ATP5F1B: variants seen among roughly 807,000 people sequenced by gnomAD.
ATP5F1B encodes the protein ATP synthase F(1) complex subunit beta, mitochondrial.
ATP5F1B carries 17 observed loss-of-function variants against 45.9 expected under a neutral mutation model. The observed-to-expected ratio is 0.37, with a 90% CI of 0.25 to 0.56. The LOEUF is 0.56. Among genes scored for constraint, ATP5F1B ranks in the 20% least tolerant of loss-of-function variants. ATP5F1B has a pLI of 0.80. For synonymous variants in ATP5F1B, 218 were observed against 256.5 expected (o/e 0.85, Z 1.43); for missense variants, 387 against 673.2 (o/e 0.57, Z 4.70).
At chr12:56,640,228 T>A in intron 7 of ATP5F1B, 36 bp from the exon 8 acceptor site, 2 of 1,519,944 alleles carry the variant, frequency 1.3e-6, no homozygotes, top group Non-Finnish European at 8.9e-7. Context: ...GGAACCAAAG[T>A]AAATTTTTTT....
chr12:56,644,092 C>G (rs1951532696), intron 3 of ATP5F1B, 134 bp from the exon 4 acceptor site: 1 of 994,280 alleles, frequency 1.0e-6, no homozygotes, highest in East Asian at 2.6e-5. Flanking sequence ...CCCTTTCTTA[C>G]ATAAATCAGA....
intron 7 of ATP5F1B, among the ~76,000 whole-genome samples, 192 bp downstream of exon 7, chr12:56,642,266 T>A (rs1374251704): frequency 6.6e-6 from 1 of 151,950 alleles, no homozygotes; most frequent in Non-Finnish European, 1.5e-5. Context: ...AAAGTGTTGG[T>A]ATTACAGGCA....
chr12:56,645,082 G>C (rs765101521), intron 2 of ATP5F1B, 89 bp downstream of exon 2: 1 of 1,606,362 alleles, frequency 6.2e-7, no homozygotes, highest in Non-Finnish European at 8.5e-7. Context: ...AAGTCATTTT[G>C]ATAAAATCAT....
chr12:56,645,464 T>A, intron 1 of ATP5F1B, 111 bp from the exon 2 acceptor site: 1 of 1,264,726 alleles, frequency 7.9e-7, no homozygotes, highest in Non-Finnish European at 1.1e-6. Context: ...CAGGCCTCTT[T>A]CCGCTTGTAC....
chr12:56,643,724 A>C (rs1271334440), intron 4 of ATP5F1B, 113 bp downstream of exon 4: 1 of 1,579,428 alleles, frequency 6.3e-7, no homozygotes, highest in African/African-American at 1.3e-5. Context: ...CAGAAGAACG[A>C]AAGTCAGAAC....
chr12:56,640,353 G>A (rs1032767425), intron 7 of ATP5F1B, among the ~76,000 whole-genome samples, 161 bp from the exon 8 acceptor site: 6 of 150,466 alleles, frequency 4.0e-5, no homozygotes, highest in African/African-American at 9.8e-5. Flanking sequence ...TCAGCTTCCC[G>A]AGTGGCTAGG....
Position 56,644,740 on chromosome 12 carries a change from CAGA to C in ATP5F1B, c.485+38_485+40del, listed in dbSNP as rs561725512. 3,925 of 1,568,602 alleles carry C rather than the reference CAGA, an allele frequency of 2.5e-3. 4 individuals are homozygous for C. The highest frequency in any genetic ancestry group is 3.2e-3 in the Non-Finnish European group (3,666 of 1,155,310). ...CCTTAATGTGTAAAACTGCAAATAA[CAGA>C]AGTTCCTTTGTGCATAGATGCAATA... On this transcript the variant is annotated intron_variant, in intron 3 of 9. Transcript: ENST00000262030.
In ATP5F1B at chr12:56,643,594, G is replaced by C. The variant is rs532017659; in HGVS notation, c.608-7C>G. 6.2e-7 allele frequency: 1 copy of C among 1,613,818 alleles called. No homozygotes were observed. Among genetic ancestry groups the C allele is most frequent in the South Asian group, 1.1e-5 (1 of 91,060 alleles). ...CCAGCACCACCAAAAAGCCCTATAA[G>C]AGGTTGAAAAGAAAGAATATTTAAG... is the stretch of plus-strand genomic sequence containing the variant. On this transcript the variant is annotated splice_region_variant and splice_polypyrimidine_tract_variant and intron_variant, in intron 4 of 9. Coordinates refer to ENST00000262030, the MANE Select transcript of ATP5F1B (RefSeq NM_001686.4).
intron 2 of ATP5F1B, 35 bp downstream of exon 2, chr12:56,645,136 C>CT: frequency 1.9e-6 from 3 of 1,613,736 alleles, no homozygotes; most frequent in Non-Finnish European, 2.5e-6. Context: ...TTGGGCTACA[C>CT]AAGGTCTTTA....
At chr12:56,645,021 A>G (rs1951539529) in intron 2 of ATP5F1B, 66 bp from the exon 3 acceptor site, 2 of 1,611,334 alleles carry the variant, frequency 1.2e-6, no homozygotes, top group South Asian at 1.1e-5. Flanking sequence ...TAAATCGACC[A>G]AGACTCCTTC....
At chr12:56,645,415 A>C in intron 1 of ATP5F1B, 62 bp from the exon 2 acceptor site, 1 of 1,521,558 alleles carries the variant, frequency 6.6e-7, no homozygotes, top group Non-Finnish European at 8.9e-7. Flanking sequence ...ATCGGAAGCC[A>C]GGACTTAACA....
intron 5 of ATP5F1B, chr12:56,643,106 C>G (rs1951524312): frequency 2.1e-6 from 1 of 486,648 alleles, no homozygotes; most frequent in Non-Finnish European, 3.6e-6. Flanking sequence ...GTACCACGTC[C>G]AATCCAGCCC....
chr12:56,645,942 C>G lies in ATP5F1B; in HGVS notation c.22G>C (p.Val8Leu). 2 of 1,605,386 alleles carry G rather than the reference C, an allele frequency of 1.2e-6. No homozygotes were observed. The highest frequency in any genetic ancestry group is 2.2e-5 in the South Asian group (2 of 89,762). The change falls in exon 1 of 10, where the codon GTG (valine) becomes CTG (leucine). Residue 8 changes from valine to leucine, a missense_variant. Physicochemically the swap from Val to Leu is conservative, Grantham distance 32 (BLOSUM62 1). Transcript: ENST00000262030. ...GCCCCGGAGGCCGGAGCAGCGGCCA[C>G]CCGACCCACAAACCCCAACATGGCG... MLGFVGR[V>L]AAAPASGALR... is the part of the protein sequence containing the mutation.
At chr12:56,640,705 T>C (rs1334359553) in intron 7 of ATP5F1B, among the ~76,000 whole-genome samples, 1 of 152,132 alleles carries the variant, frequency 6.6e-6, no homozygotes, top group Admixed American at 6.6e-5. Flanking sequence ...CTTTTTGTTC[T>C]TCATCTTTTA....
chr12:56,638,624 G>A (rs919066062), intron 9 of ATP5F1B, among the ~76,000 whole-genome samples: 4 of 152,178 alleles, frequency 2.6e-5, no homozygotes, highest in Non-Finnish European at 4.4e-5. Flanking sequence ...GGCCAGGCAC[G>A]GTGGCTTACA....
chr12:56,644,563 A>C (rs1407021734), intron 3 of ATP5F1B, among the ~76,000 whole-genome samples: 3 of 152,004 alleles, frequency 2.0e-5, no homozygotes, highest in Non-Finnish European at 4.4e-5. Flanking sequence ...GTGAGTCGAG[A>C]GCGAAACTCC....
chr12:56,643,365 G>A (rs147549716), intron 5 of ATP5F1B, 38 bp downstream of exon 5: 43 of 1,545,096 alleles, frequency 2.8e-5, no homozygotes, highest in Middle Eastern at 3.4e-4. Flanking sequence ...GTTTCCTGGC[G>A]TAACTACCAC....
chr12:56,642,901 A>C, intron 5 of ATP5F1B, 70 bp from the exon 6 acceptor site: 1 of 1,532,384 alleles, frequency 6.5e-7, no homozygotes, highest in Non-Finnish European at 8.9e-7. Context: ...AGGTTCCCAA[A>C]TCGGAGAAAC....
In ATP5F1B at chr12:56,645,885, G is replaced by A. The variant is rs1405413413; in HGVS notation, c.79C>T (p.Pro27Ser). ...LRRLTPSASL[P>S]PAQLLLRAAP... The stretch of plus-strand genomic sequence containing the variant: ...GCCCGCAGTAAGAGCTGAGCTGGGG[G>A]CAGCGACGCTGAAGGGGTGAGTCTC... The change falls in exon 1 of 10, where the codon CCC (proline) becomes TCC (serine). Residue 27 changes from proline (P) to serine (S), a missense_variant. Coordinates refer to ENST00000262030, the MANE Select transcript of ATP5F1B (RefSeq NM_001686.4). 2.5e-6 allele frequency: 4 copies of A among 1,608,242 alleles called. No homozygotes were observed. The African/African-American group carries it at 5.3e-5, about 21-fold the overall frequency.
Sources: allele counts gnomAD v4.1 joint callset (sites outside exome capture counted in the v4.1 genomes callset), GRCh38; gene constraint gnomAD v4.1.1; transcripts MANE v1.5; gene names NCBI Gene and HGNC (gene_info 2026-07-23, HGNC 2026-07-21).